GNA14: variants seen among roughly 807,000 people sequenced by gnomAD.
GNA14 encodes the protein G protein subunit alpha 14, also known as guanine nucleotide-binding protein subunit alpha-14.
Under a neutral mutation model 42.0 loss-of-function variants are expected in GNA14, and 50 were observed. That is an observed-to-expected ratio of 1.19 (90% CI 0.95 to 1.51). GNA14 has a LOEUF of 1.51. GNA14 is among the 40% of genes most tolerant of loss of function. The pLI is 0.00. For missense variants in GNA14, 473 were observed against 446.2 expected, an observed-to-expected ratio of 1.06 and a Z score of -0.54; for synonymous variants, 173 against 163.1, an observed-to-expected ratio of 1.06 and a Z score of -0.46.
chr9:77,590,243 C>T (rs1380540761), intron 1 of GNA14, among the ~76,000 whole-genome samples: 1 of 152,098 alleles, frequency 6.6e-6, no homozygotes, highest in Non-Finnish European at 1.5e-5. Flanking sequence ...CTCAGCAAAA[C>T]TCCCCATCAT....
chr9:77,517,541 C>CTGTGTA (rs1309156526), intron 2 of GNA14: 2 of 137,724 alleles, frequency 1.5e-5, no homozygotes, highest in Non-Finnish European at 3.0e-5. Context: ...CACTGCAAGT[C>CTGTGTA]TGTGTATGTG....
intron 5 of GNA14, among the ~76,000 whole-genome samples, chr9:77,427,444 T>C (rs1835470809): frequency 6.6e-6 from 1 of 152,164 alleles, no homozygotes; most frequent in South Asian, 2.1e-4. Flanking sequence ...TAAGCTATGC[T>C]CCTCAGAGAA....
intron 2 of GNA14, among the ~76,000 whole-genome samples, chr9:77,494,770 GTTTTTGTTTTGTTTT>G (rs1193654646): frequency 2.7e-5 from 3 of 111,032 alleles, no homozygotes; most frequent in African/African-American, 1.2e-4. Flanking sequence ...GAGTTGTGGG[GTTTTTGTTTTGTTTT>G]GTTTTGTTTT....
intron 2 of GNA14, among the ~76,000 whole-genome samples, chr9:77,490,486 G>C (rs12004359): frequency 0.027 from 4,146 of 152,354 alleles, 196 homozygotes; most frequent in African/African-American, 0.093. Context: ...GGAGGCAAGG[G>C]AAGGCTCAGG....
At position 77,564,390 on chromosome 9, in the gene GNA14, C is replaced by G. The variant is rs1454919123; in HGVS notation, c.125-35137G>C. On this transcript the variant is annotated intron_variant, in intron 1 of 6. Coordinates refer to ENST00000341700, the MANE Select transcript of GNA14 (RefSeq NM_004297.4). ...TGTCAGGCTGCATACTTTAAAAAAG[C>G]TTCCCTGGTGGTTCTGAGGCACTGC... is the stretch of plus-strand genomic sequence containing the variant. Among the ~76,000 whole-genome samples the G allele has an allele frequency of 2.0e-5, 3 of 151,980 alleles. No individual in the cohort carries two copies. In the East Asian group the frequency reaches 5.8e-4, roughly 29 times the overall value.
intron 1 of GNA14, among the ~76,000 whole-genome samples, chr9:77,545,750 CAAG>C (rs1191979414): frequency 2.4e-5 from 3 of 126,072 alleles, no homozygotes; most frequent in East Asian, 4.8e-4. Flanking sequence ...CCTAAGGTTC[CAAG>C]AAGAAGGTCT....
intron 2 of GNA14, among the ~76,000 whole-genome samples, chr9:77,515,342 G>T (rs1474923510): frequency 2.0e-5 from 3 of 152,188 alleles, no homozygotes; most frequent in Non-Finnish European, 4.4e-5. Context: ...AGGAGCATGT[G>T]GAAAAGTCCT....
At chr9:77,490,539 G>T (rs1156455720) in intron 2 of GNA14, among the ~76,000 whole-genome samples, 1 of 152,244 alleles carries the variant, frequency 6.6e-6, no homozygotes, top group Non-Finnish European at 1.5e-5. Flanking sequence ...CGGGAAGGCA[G>T]CTAAGGCCTG....
At chr9:77,487,888 G>C (rs1836688178) in intron 2 of GNA14, among the ~76,000 whole-genome samples, 2 of 152,144 alleles carry the variant, frequency 1.3e-5, no homozygotes, top group Admixed American at 1.3e-4. Context: ...CTGTCTCACA[G>C]AGTTGTTATT....
intron 2 of GNA14, among the ~76,000 whole-genome samples, chr9:77,507,886 CTT>C (rs1837096578): frequency 1.3e-5 from 2 of 152,000 alleles, no homozygotes; most frequent in Non-Finnish European, 2.9e-5. Flanking sequence ...GCCCAGCTAA[CTT>C]TTTATATTTT....
chr9:77,630,069 T>G (rs1215886628), intron 1 of GNA14, among the ~76,000 whole-genome samples: 2 of 151,816 alleles, frequency 1.3e-5, no homozygotes, highest in African/African-American at 4.8e-5. Flanking sequence ...AATATTAGAA[T>G]GTTTAGAATT....
chr9:77,436,792 T>A (rs62571496), intron 2 of GNA14, among the ~76,000 whole-genome samples: 14,466 of 152,258 alleles, frequency 0.095, 803 homozygotes, highest in Middle Eastern at 0.14. Flanking sequence ...GTGCCTTCTA[T>A]TGCAAATAAT....
At chr9:77,559,935 A>G (rs1822850683) in intron 1 of GNA14, among the ~76,000 whole-genome samples, 1 of 152,184 alleles carries the variant, frequency 6.6e-6, no homozygotes, top group Non-Finnish European at 1.5e-5. Context: ...TTGTTATGCG[A>G]CATACACCAT....
At chr9:77,474,572 T>C (rs1248626357) in intron 2 of GNA14, among the ~76,000 whole-genome samples, 1 of 152,150 alleles carries the variant, frequency 6.6e-6, no homozygotes, top group Non-Finnish European at 1.5e-5. Flanking sequence ...ATGTGGCCAC[T>C]TTGAAAAATA....
chr9:77,529,018 G>C (rs777261647), intron 2 of GNA14, 51 bp downstream of exon 2: 1 of 1,461,760 alleles, frequency 6.8e-7, no homozygotes, highest in Non-Finnish European at 9.6e-7. Flanking sequence ...GCTAACCAGA[G>C]TGGGCAGGCA....
intron 2 of GNA14, among the ~76,000 whole-genome samples, chr9:77,513,609 G>A (rs1456813115): frequency 6.6e-6 from 1 of 152,178 alleles, no homozygotes; most frequent in Non-Finnish European, 1.5e-5. Context: ...ATAATTCCGT[G>A]AGGAGGCACA....
At chr9:77,643,610 A>G (rs1163845406) in intron 1 of GNA14, among the ~76,000 whole-genome samples, 1 of 152,208 alleles carries the variant, frequency 6.6e-6, no homozygotes, top group Non-Finnish European at 1.5e-5. Context: ...CTGCCCAGGA[A>G]CATGATGGCT....
chr9:77,647,512 GC>G (rs1258444984), intron 1 of GNA14, among the ~76,000 whole-genome samples, 157 bp downstream of exon 1: 1 of 152,198 alleles, frequency 6.6e-6, no homozygotes, highest in East Asian at 1.9e-4. Context: ...GGCACCTAAG[GC>G]CCCAAGTTGC....
At chr9:77,430,582 G>T (rs1360490424) in intron 4 of GNA14, among the ~76,000 whole-genome samples, 1 of 152,220 alleles carries the variant, frequency 6.6e-6, no homozygotes, top group African/African-American at 2.4e-5. Context: ...ATTCTGGAGA[G>T]AGAAGCACTG....
Sources: allele counts gnomAD v4.1 joint callset (sites outside exome capture counted in the v4.1 genomes callset), GRCh38; gene constraint gnomAD v4.1.1; transcripts MANE v1.5; gene names NCBI Gene and HGNC (gene_info 2026-07-23, HGNC 2026-07-21).